GULP1: variants seen among roughly 807,000 people sequenced by gnomAD.
GULP1 encodes the protein GULP PTB domain containing engulfment adaptor 1.
In GULP1, 19 loss-of-function variants were observed where a neutral mutation model predicts 40.9. The ratio of observed to expected loss-of-function variants is 0.46; its 90% CI spans 0.32 to 0.68. The LOEUF is 0.68. GULP1 is among the 30% of genes least tolerant of loss of function. The pLI is 0.03. For missense variants in GULP1, 312 were observed against 362.2 expected, an observed-to-expected ratio of 0.86 and a Z score of 1.12; for synonymous variants, 119 against 117.6, an observed-to-expected ratio of 1.01 and a Z score of -0.08.
chr2:188,346,517 G>T (rs1413961740), intron 1 of GULP1, among the ~76,000 whole-genome samples: 1 of 151,266 alleles, frequency 6.6e-6, no homozygotes, highest in African/African-American at 2.4e-5. Flanking sequence ...TTTTGAGACG[G>T]AGTCTTGCTC....
intron 7 of GULP1, among the ~76,000 whole-genome samples, chr2:188,568,427 G>C (rs1333021727): frequency 6.6e-6 from 1 of 152,132 alleles, no homozygotes; most frequent in Non-Finnish European, 1.5e-5. Context: ...ATTCAGTGGA[G>C]ATATGAATGG....
At chr2:188,486,749 G>C (rs1347356909) in intron 4 of GULP1, among the ~76,000 whole-genome samples, 1 of 151,792 alleles carries the variant, frequency 6.6e-6, no homozygotes, top group African/African-American at 2.4e-5. Context: ...ATTAGTTTTG[G>C]AGTTTTCTTT....
At chr2:188,518,907 C>A (rs2065453260) in intron 4 of GULP1, among the ~76,000 whole-genome samples, 1 of 152,140 alleles carries the variant, frequency 6.6e-6, no homozygotes, top group Non-Finnish European at 1.5e-5. Flanking sequence ...AATTAGGGGA[C>A]TTTCCTAACA....
At chr2:188,340,376 G>A (rs921477856) in intron 1 of GULP1, among the ~76,000 whole-genome samples, 9 of 152,144 alleles carry the variant, frequency 5.9e-5, no homozygotes, top group African/African-American at 2.2e-4. Flanking sequence ...TTGCAACAGG[G>A]GTGCCTTGCT....
At chr2:188,304,394 A>T (rs1361617276) in intron 1 of GULP1, among the ~76,000 whole-genome samples, 1 of 152,226 alleles carries the variant, frequency 6.6e-6, no homozygotes, top group African/African-American at 2.4e-5. Context: ...GTAAAGATAC[A>T]AAGAATAGTA....
At chr2:188,475,992 G>T (rs2060981295) in intron 2 of GULP1, among the ~76,000 whole-genome samples, 1 of 152,120 alleles carries the variant, frequency 6.6e-6, no homozygotes, top group African/African-American at 2.4e-5. Flanking sequence ...AGTAGAACTA[G>T]TTTGCTCAGG....
chr2:188,471,398 C>G (rs917483902), intron 2 of GULP1, among the ~76,000 whole-genome samples: 1 of 151,890 alleles, frequency 6.6e-6, no homozygotes. Context: ...CTTACTCCTG[C>G]CGTTTTATTA....
intron 5 of GULP1, among the ~76,000 whole-genome samples, chr2:188,528,707 G>A (rs1686803461): frequency 6.6e-6 from 1 of 151,916 alleles, no homozygotes; most frequent in Non-Finnish European, 1.5e-5. Flanking sequence ...TGGCAAAGAG[G>A]GCATATTCAA....
chr2:188,569,393 T>A (rs1308007917), intron 8 of GULP1, 38 bp downstream of exon 8: 3 of 1,034,710 alleles, frequency 2.9e-6, no homozygotes, highest in Admixed American at 1.7e-5. Context: ...ATTTGTGTGA[T>A]GTAAGTACAG....
At chr2:188,556,064 AAAAAAGAAAAAG>A (rs201275245) in intron 7 of GULP1, among the ~76,000 whole-genome samples, 2,232 of 151,924 alleles carry the variant, frequency 0.015, 63 homozygotes, top group African/African-American at 0.051. Context: ...TCTCAAAAAA[AAAAAAGAAAAAG>A]AAAAAGAAAA....
rs754340084 is a variant in GULP1, at chr2:188,594,029, C to A, written c.*18C>A. ...GGTGCTGACATCAAGAACAAGAAAT[C>A]CTGATTCATGTTAAATGTGTTTGTA... On this transcript the variant is annotated 3_prime_UTR_variant, in exon 12 of 12. Transcript: ENST00000409830. 1.1e-5 allele frequency: 15 copies of A among 1,405,186 alleles called. No homozygotes were observed. The Admixed American group carries it at 1.7e-4, about 16-fold the overall frequency. The allele number at this position is 1,405,186 out of a possible 1,614,324, so 87.0% of individuals were successfully genotyped here.
intron 4 of GULP1, among the ~76,000 whole-genome samples, chr2:188,522,265 A>AT (rs1358536007): frequency 6.6e-6 from 1 of 152,158 alleles, no homozygotes; most frequent in Non-Finnish European, 1.5e-5. Flanking sequence ...TGAAAAAAAA[A>AT]GCTAATGGCG....
intron 3 of GULP1, among the ~76,000 whole-genome samples, chr2:188,479,074 G>T (rs1411536288): frequency 6.6e-6 from 1 of 152,084 alleles, no homozygotes; most frequent in African/African-American, 2.4e-5. Context: ...AGGTGTAAAT[G>T]ATAATGTCAC....
chr2:188,292,488 C>T lies in GULP1; in HGVS notation c.-172+322C>T, dbSNP rs2033980702. ...GCGGTCTCCGGGCTCCAGAAACCTC[C>T]TTAGCCTTTTGTGGTAACTTTGGTC... On this transcript the variant is annotated intron_variant, in intron 1 of 11. Coordinates refer to ENST00000409830, the MANE Select transcript of GULP1 (RefSeq NM_016315.4). This position sits in a 1 kb window ranked among gnomAD's most constrained non-coding sequence, Gnocchi z 4.0. 6.6e-6 allele frequency among the ~76,000 whole-genome samples: 1 copy of T among 152,188 alleles called. No homozygotes were observed. The highest frequency in any genetic ancestry group is 1.5e-5 in the Non-Finnish European group (1 of 68,036).
intron 9 of GULP1, chr2:188,582,259 A>G (rs1701472172): frequency 2.5e-6 from 1 of 407,604 alleles, no homozygotes; most frequent in African/African-American, 2.1e-5. Context: ...ACACCATTTT[A>G]CAAATAAATT....
At chr2:188,337,262 C>A (rs1265075550) in intron 1 of GULP1, among the ~76,000 whole-genome samples, 3 of 151,898 alleles carry the variant, frequency 2.0e-5, no homozygotes, top group African/African-American at 7.3e-5. Flanking sequence ...TCTCAGCCTC[C>A]TGAGTAGCTG....
At chr2:188,405,313 A>G (rs1196680492) in intron 2 of GULP1, among the ~76,000 whole-genome samples, 1 of 151,898 alleles carries the variant, frequency 6.6e-6, no homozygotes, top group Non-Finnish European at 1.5e-5. Flanking sequence ...ACAGACTCAG[A>G]CATCATGTCT....
chr2:188,410,514 A>G (rs190225393), intron 2 of GULP1, among the ~76,000 whole-genome samples: 50 of 152,338 alleles, frequency 3.3e-4, no homozygotes, highest in Admixed American at 2.1e-3. Context: ...CAAATAACCC[A>G]ATTAAAGAAT....
intron 9 of GULP1, among the ~76,000 whole-genome samples, chr2:188,576,003 TAC>T (rs765360843): frequency 1.5e-4 from 22 of 149,772 alleles, no homozygotes; most frequent in Admixed American, 2.7e-4. Context: ...TTGGGGGCAG[TAC>T]ACACACACAC....
Sources: allele counts gnomAD v4.1 joint callset (sites outside exome capture counted in the v4.1 genomes callset), GRCh38; gene constraint gnomAD v4.1.1; non-coding constraint Gnocchi (gnomAD v3.1); transcripts MANE v1.5; gene names NCBI Gene and HGNC (gene_info 2026-07-23, HGNC 2026-07-21).